ASIP: variants seen among roughly 807,000 people sequenced by gnomAD.
ASIP encodes the protein agouti signaling protein.
A neutral mutation model predicts 10.3 loss-of-function variants in ASIP; 11 were observed. That is an observed-to-expected ratio of 1.07 (90% CI 0.68 to 1.78). The LOEUF (loss-of-function observed/expected upper bound fraction) is 1.78. Among genes scored for constraint, ASIP ranks in the 40% most tolerant of loss-of-function variants. The probability of loss-of-function intolerance (pLI) is 0.00; values close to 1 mark genes in which losing one functional copy is unlikely to be tolerated. For missense variants in ASIP, 180 were observed against 169.2 expected (o/e 1.06, Z -0.35); for synonymous variants, 70 against 70.8 (o/e 0.99, Z 0.06).
intron 1 of ASIP, among the ~76,000 whole-genome samples, chr20:34,218,670 T>C (rs2035025427): frequency 6.6e-6 from 1 of 151,726 alleles, no homozygotes; most frequent in South Asian, 2.1e-4. Context: ...AAAAGGAGCA[T>C]GTGTCCTTTT....
chr20:34,259,719 T>C (rs2122657918), intron 1 of ASIP, among the ~76,000 whole-genome samples: 1 of 151,394 alleles, frequency 6.6e-6, no homozygotes, highest in East Asian at 1.9e-4. Flanking sequence ...CACTGCACTC[T>C]AGCCTGGGCA....
intron 1 of ASIP, among the ~76,000 whole-genome samples, chr20:34,242,366 G>A (rs2035296991): frequency 6.6e-6 from 1 of 152,068 alleles, no homozygotes. Flanking sequence ...CTGAGTAGCT[G>A]GGACAACAGG....
chr20:34,191,002 C>G (rs2034821530), upstream of ASIP, among the ~76,000 whole-genome samples: 3 of 152,212 alleles, frequency 2.0e-5, no homozygotes, highest in African/African-American at 7.2e-5. Flanking sequence ...GCATGCACCC[C>G]CATATGCACA....
intron 1 of ASIP, among the ~76,000 whole-genome samples, chr20:34,225,824 G>C (rs1290454132): frequency 6.6e-6 from 1 of 151,398 alleles, no homozygotes; most frequent in African/African-American, 2.4e-5. Flanking sequence ...ATTTTTAATG[G>C]GTTCTTGTTG....
chr20:34,215,112 T>G, intron 1 of ASIP: 1 of 1,577,760 alleles, frequency 6.3e-7, no homozygotes, highest in Non-Finnish European at 8.7e-7. Flanking sequence ...CTAGTTTCAT[T>G]TTATCAACAG....
intron 1 of ASIP, among the ~76,000 whole-genome samples, chr20:34,222,223 A>T (rs1305257925): frequency 6.6e-6 from 1 of 152,154 alleles, no homozygotes; most frequent in African/African-American, 2.4e-5. Context: ...GTTACAGCTC[A>T]TAGAACCTAA....
intron 1 of ASIP, among the ~76,000 whole-genome samples, chr20:34,196,539 G>A (rs932188864): frequency 6.6e-6 from 1 of 152,096 alleles, no homozygotes; most frequent in Admixed American, 6.6e-5. Flanking sequence ...AGATGCGGGC[G>A]GGACGTCATC....
intron 2 of ASIP, 97 bp downstream of exon 2, chr20:34,260,631 C>T (rs1035970909): frequency 9.0e-6 from 12 of 1,326,114 alleles, no homozygotes; most frequent in African/African-American, 2.9e-5. Flanking sequence ...GCCATGGTCA[C>T]GGCTCCTTCT....
intron 1 of ASIP, among the ~76,000 whole-genome samples, chr20:34,210,755 T>C: frequency 6.6e-6 from 1 of 152,228 alleles, no homozygotes; most frequent in East Asian, 1.9e-4. Context: ...GTCATCCTTG[T>C]CTTGTTCCAG....
chr20:34,263,130 T>G (rs1299779618), intron 3 of ASIP, among the ~76,000 whole-genome samples: 2 of 152,204 alleles, frequency 1.3e-5, no homozygotes, highest in African/African-American at 4.8e-5. Flanking sequence ...CTTCCTCTAC[T>G]AGTTAGCCCC....
chr20:34,214,903 G>C (rs2034997557), intron 1 of ASIP: 1 of 1,539,460 alleles, frequency 6.5e-7, no homozygotes, highest in Non-Finnish European at 9.0e-7. Flanking sequence ...AGCTTGTAGT[G>C]CCTCTTGAGC....
chr20:34,252,755 T>C (rs1397918515), intron 1 of ASIP, among the ~76,000 whole-genome samples: 1 of 152,186 alleles, frequency 6.6e-6, no homozygotes, highest in Non-Finnish European at 1.5e-5. Flanking sequence ...TATCTCAGGC[T>C]GTCTCAGTGG....
chr20:34,222,831 T>G, intron 1 of ASIP, among the ~76,000 whole-genome samples: 1 of 152,022 alleles, frequency 6.6e-6, no homozygotes, highest in Non-Finnish European at 1.5e-5. Flanking sequence ...GGTTTCGCTG[T>G]GTTGGCCGGG....
chr20:34,255,703 G>A (rs535801143), intron 1 of ASIP, among the ~76,000 whole-genome samples: 2 of 152,300 alleles, frequency 1.3e-5, no homozygotes, highest in Non-Finnish European at 1.5e-5. Context: ...GAAGGGACAC[G>A]GTGAGCAAGT....
chr20:34,217,105 C>A (rs1174497354), intron 1 of ASIP, among the ~76,000 whole-genome samples: 1 of 152,116 alleles, frequency 6.6e-6, no homozygotes, highest in African/African-American at 2.4e-5. Flanking sequence ...TTCCAATTTG[C>A]CCTTATCCCT....
intron 3 of ASIP, among the ~76,000 whole-genome samples, chr20:34,267,484 G>A (rs1018172593): frequency 0.016 from 1,390 of 85,604 alleles, no homozygotes; most frequent in African/African-American, 0.037. Flanking sequence ...AAAAAAAAAA[G>A]AACTGTGATG....
In ASIP at chr20:34,258,708, AT is replaced by A. The variant is rs1411995424; in HGVS notation, c.-10-1655del. On this transcript the variant is annotated intron_variant, in intron 1 of 3. Coordinates refer to ENST00000374954, the MANE Select transcript of ASIP (RefSeq NM_001672.3). The stretch of plus-strand genomic sequence containing the variant: ...ATATATATACATACTATATATATAT[AT>A]TATATATATTATAAAATATATATAG... Among the ~76,000 whole-genome samples the A allele has an allele frequency of 2.2e-4, 17 of 78,374 alleles. 2 individuals carry two copies. Among genetic ancestry groups the A allele is most frequent in the African/African-American group, 7.8e-4 (16 of 20,610 alleles). 51.4% of individuals were successfully genotyped at this position (78,374 alleles called of 152,430 possible).
chr20:34,239,194 T>G (rs1228277959), upstream of ASIP, among the ~76,000 whole-genome samples: 1 of 152,094 alleles, frequency 6.6e-6, no homozygotes, highest in Non-Finnish European at 1.5e-5. Flanking sequence ...TCCATCAGAC[T>G]CAGTATGTTC....
intron 1 of ASIP, chr20:34,214,216 T>A: frequency 7.4e-7 from 1 of 1,344,338 alleles, no homozygotes; most frequent in Non-Finnish European, 1.1e-6. Context: ...TTGACAAATC[T>A]AGAAAACAGG....
Sources: allele counts gnomAD v4.1 joint callset (sites outside exome capture counted in the v4.1 genomes callset), GRCh38; gene constraint gnomAD v4.1.1; transcripts MANE v1.5; gene names NCBI Gene and HGNC (gene_info 2026-07-23, HGNC 2026-07-21).